Variants in SF3B2 observed in about 807,000 individuals in gnomAD.
SF3B2 encodes the protein splicing factor 3b subunit 2, also known as SAP 145.
In SF3B2, 22 loss-of-function variants were observed where a neutral mutation model predicts 116.3. The ratio of observed to expected loss-of-function variants is 0.19; its 90% confidence interval spans 0.14 to 0.27. The LOEUF (loss-of-function observed/expected upper bound fraction) is 0.27, where lower values mean the gene tolerates loss of function less well. SF3B2 is among the 10% of genes least tolerant of loss of function. The probability of loss-of-function intolerance (pLI) is 1.00; values close to 1 mark genes in which losing one functional copy is unlikely to be tolerated. For synonymous variants in SF3B2, 406 were observed against 421.6 expected, an observed-to-expected ratio of 0.96 and a Z score of 0.45; for missense variants, 767 against 1,151.4, an observed-to-expected ratio of 0.67 and a Z score of 4.83.
rs954026955 is a variant in SF3B2 at position 66,056,953 on chromosome 11, G to C, written c.665G>C (p.Arg222Pro). ...QIGVRTPLGP[R>P]VAAPVGPVGP... ...GGTGTGCGCACTCCTCTGGGTCCTC[G>C]AGGTGAGACCCTGGAACCGAGGGGA... Residue 222 changes from arginine (R) to proline (P), a missense_variant and splice_region_variant, in exon 6 of 22, where the codon CGA becomes CCA. Around this residue, in one of 4 missense-constraint regions of SF3B2, gnomAD observed 455 missense variants for 537.5 expected, o/e 0.85. Coordinates refer to ENST00000322535, the MANE Select transcript of SF3B2 (RefSeq NM_006842.3). 2 of 1,609,420 alleles carry C rather than the reference G, an allele frequency of 1.2e-6. No homozygotes were observed. Among genetic ancestry groups the C allele is most frequent in the Non-Finnish European group, 1.7e-6 (2 of 1,175,710 alleles).
chr11:66,064,188 A>G (rs1857141795), intron 19 of SF3B2, among the ~76,000 whole-genome samples: 1 of 152,220 alleles, frequency 6.6e-6, no homozygotes, highest in Non-Finnish European at 1.5e-5. Flanking sequence ...CCCCTTTATC[A>G]TGAAATGACC....
Position 66,058,379 on chromosome 11 carries a change from G to T in SF3B2, c.940G>T (p.Asp314Tyr), listed in dbSNP as rs780242947. The change falls in exon 9 of 22, where the codon GAC becomes TAC. Residue 314 changes from aspartate to tyrosine, a missense_variant. Asp to Tyr is a radical substitution (Grantham distance 160, BLOSUM62 -3). This residue lies in a region of SF3B2 where 455 missense variants were observed against 537.5 expected (regional missense o/e 0.85). Coordinates refer to ENST00000322535, the MANE Select transcript of SF3B2 (RefSeq NM_006842.3). ...LGQSASETEE[D>Y]TVSVSKKEKN... ...CCAGTCAGCGTCAGAGACTGAGGAGGACACAGTGTCCGTATCTAAAAAGGA... is the reference window on the plus strand; with the variant it reads ...CCAGTCAGCGTCAGAGACTGAGGAGTACACAGTGTCCGTATCTAAAAAGGA... 1 of 1,614,032 alleles carries T rather than the reference G, an allele frequency of 6.2e-7. No individual in the cohort carries two copies. Among genetic ancestry groups the T allele is most frequent in the Non-Finnish European group, 8.5e-7 (1 of 1,179,958 alleles).
Position 66,059,069 on chromosome 11 carries a change from G to C in SF3B2, c.1182+24G>C. 6.2e-7 allele frequency: 1 copy of C among 1,611,004 alleles called. No individual in the cohort carries two copies. On this transcript the variant is annotated intron_variant, in intron 10 of 21. Coordinates refer to ENST00000322535, the MANE Select transcript of SF3B2 (RefSeq NM_006842.3). This position sits in a 1 kb window ranked among gnomAD's most constrained non-coding sequence, Gnocchi z 5.0. ...AGGTACAAGGAGAGCACACTAGGAA[G>C]GGGCAGTGCCAAACAGGGAAGGGGC...
At chr11:66,055,740 C>A in intron 5 of SF3B2, 155 bp downstream of exon 5, 1 of 653,668 alleles carries the variant, frequency 1.5e-6, no homozygotes, top group Non-Finnish European at 2.6e-6. Flanking sequence ...TCTTGAAGTT[C>A]AGGAATTGAC....
At chr11:66,052,608 C>A in intron 1 of SF3B2, 65 bp from the exon 2 acceptor site, 1 of 1,590,516 alleles carries the variant, frequency 6.3e-7, no homozygotes, top group Non-Finnish European at 8.6e-7. Context: ...GGGGCGGAGG[C>A]AGGCCGCTGG....
At chr11:66,066,198 C>T (rs1220962772) in intron 19 of SF3B2, 2 of 152,104 alleles carry the variant, frequency 1.3e-5, no homozygotes, top group Non-Finnish European at 2.9e-5. Flanking sequence ...AATGTATTGT[C>T]TGCTAACTCT....
rs1022563326 is a variant in SF3B2 at position 66,061,735 on chromosome 11, C to G, written c.1829C>G (p.Ser610Cys). The change falls in exon 15 of 22, where the codon TCT (serine) becomes TGT (cysteine). Residue 610 changes from serine to cysteine, a missense_variant. Ser to Cys is a moderately radical substitution (Grantham distance 112). This residue lies in a region of SF3B2 where 282 missense variants were observed against 568.0 expected (regional missense o/e 0.50). Coordinates refer to ENST00000322535, the MANE Select transcript of SF3B2 (RefSeq NM_006842.3). ...RLKEKKPGDL[S>C]DELRISLGMP... ...AAGGAGAAGAAGCCAGGAGATCTGTCTGATGAGCTAAGGATTTCCTTGGGG... is the reference window on the plus strand; with the variant it reads ...AAGGAGAAGAAGCCAGGAGATCTGTGTGATGAGCTAAGGATTTCCTTGGGG... 3.1e-6 allele frequency: 5 copies of G among 1,614,086 alleles called. No homozygotes were observed. Among genetic ancestry groups the G allele is most frequent in the Non-Finnish European group, 3.4e-6 (4 of 1,180,026 alleles).
rs1856964670 is a variant in SF3B2 at position 66,054,925 on chromosome 11, T to C, written c.259-151T>C. On this transcript the variant is annotated intron_variant, in intron 3 of 21. Coordinates refer to ENST00000322535, the MANE Select transcript of SF3B2 (RefSeq NM_006842.3). ...CCAGAAGTTAACATTCTCATATCTTTATAGAGCTGTGGAGCATTCTCTCTT... is the reference window on the plus strand; with the variant it reads ...CCAGAAGTTAACATTCTCATATCTTCATAGAGCTGTGGAGCATTCTCTCTT... 8.6e-6 allele frequency: 6 copies of C among 694,388 alleles called. No individual in the cohort carries two copies. In the South Asian group the frequency reaches 1.7e-4, roughly 20 times the overall value. 43.0% of individuals were successfully genotyped at this position (694,388 alleles called of 1,614,324 possible). A position where few individuals can be genotyped will look rare whatever the true frequency, so the allele number is the denominator to read the frequency against.
intron 19 of SF3B2, chr11:66,067,304 A>T: frequency 2.4e-6 from 1 of 415,702 alleles, no homozygotes; most frequent in South Asian, 1.7e-5. Context: ...GATTTTATTC[A>T]GATAATGATC....
At chr11:66,065,753 T>G (rs746596514) in intron 19 of SF3B2, 8 of 152,238 alleles carry the variant, frequency 5.3e-5, no homozygotes, top group Non-Finnish European at 1.2e-4. Flanking sequence ...GATCTAACAG[T>G]AATCCCATAC....
chr11:66,067,753 C>T (rs1857213002), intron 19 of SF3B2, 193 bp from the exon 20 acceptor site: 2 of 576,402 alleles, frequency 3.5e-6, no homozygotes, highest in African/African-American at 3.7e-5. Context: ...ATCTGTGTTC[C>T]CTGGAGTCAG....
intron 6 of SF3B2, 51 bp downstream of exon 6, chr11:66,057,006 T>C: frequency 1.5e-6 from 2 of 1,338,080 alleles, no homozygotes; most frequent in South Asian, 2.3e-5. Context: ...TTAGACATTT[T>C]TAAAAAGACT....
At chr11:66,052,911 C>T (rs1180288040) in intron 2 of SF3B2, 116 bp from the exon 3 acceptor site, 3 of 1,278,900 alleles carry the variant, frequency 2.3e-6, no homozygotes, top group East Asian at 4.6e-5. Flanking sequence ...CTTCAGTGCC[C>T]AGCCAGAGCG....
At chr11:66,062,497 AAG>A (rs1857115959) in intron 16 of SF3B2, among the ~76,000 whole-genome samples, 1 of 151,980 alleles carries the variant, frequency 6.6e-6, no homozygotes, top group Non-Finnish European at 1.5e-5. Context: ...AAAAAGAAAA[AAG>A]AAATAATTTT....
intron 19 of SF3B2, chr11:66,067,358 C>G (rs533822894): frequency 6.6e-6 from 3 of 455,412 alleles, no homozygotes; most frequent in African/African-American, 2.0e-5. Flanking sequence ...CAGGACCCGA[C>G]ATCCGTTTTA....
chr11:66,065,426 G>A (rs1285349074), intron 19 of SF3B2: 1 of 152,092 alleles, frequency 6.6e-6, no homozygotes, highest in East Asian at 1.9e-4. Context: ...CTAACAATTT[G>A]ACTACAATGT....
Position 66,055,136 on chromosome 11 carries a change from C to T in SF3B2, c.319C>T (p.Pro107Ser). Residue 107 changes from proline to serine, a missense_variant, in exon 4 of 22, where the codon CCA becomes TCA. Transcript: ENST00000322535. ...ACTCCCCCCTCTGCAGCCTCCTCCG[C>T]CACCCCCACCACCTCCACCAGGCCT... The part of the protein sequence containing the change: ...LGLPPLQPPP[P>S]PPPPPPGLGL... 3.8e-6 allele frequency: 6 copies of T among 1,574,000 alleles called. No homozygotes were observed. Among genetic ancestry groups the T allele is most frequent in the Non-Finnish European group, 5.2e-6 (6 of 1,155,088 alleles).
intron 4 of SF3B2, 49 bp from the exon 5 acceptor site, chr11:66,055,486 T>C (rs1856977460): frequency 1.2e-6 from 2 of 1,609,292 alleles, no homozygotes. Context: ...TTGTGGCAGA[T>C]TGGCGTGTTG....
Position 66,068,772 on chromosome 11 carries a change from G to A in SF3B2, c.*27G>A, listed in dbSNP as rs1482638368. 1 of 1,596,616 alleles carries A rather than the reference G, an allele frequency of 6.3e-7. No individual in the cohort carries two copies. The highest frequency in any genetic ancestry group is 8.6e-7 in the Non-Finnish European group (1 of 1,165,392). On this transcript the variant is annotated 3_prime_UTR_variant, in exon 22 of 22. Transcript: ENST00000322535. ...TCCCCTCACACTAGCCCTTTTTTTG[G>A]CCCTACGTCTGGATGCCTGGGCTTC...
Sources: gnomAD v4.1 joint callset for allele counts (sites outside exome capture counted in the v4.1 genomes callset) on GRCh38, gnomAD v4.1.1 for gene constraint, gnomAD v4.1.1 regional missense constraint, Gnocchi (gnomAD v3.1) non-coding constraint, MANE v1.5 for transcripts, NCBI Gene and HGNC (gene_info 2026-07-23, HGNC 2026-07-21) for gene names.